The following ZNF740 variants were observed in gnomAD, a reference collection of about 807,000 sequenced individuals.
ZNF740 encodes the protein zinc finger protein 740.
ZNF740 carries 14 observed loss-of-function variants against 24.8 expected under a neutral mutation model. The observed-to-expected ratio is 0.56, with a 90% CI of 0.37 to 0.88. The LOEUF (loss-of-function observed/expected upper bound fraction) is 0.88, where lower values mean the gene tolerates loss of function less well. ZNF740 is among the 40% of genes least tolerant of loss of function. The pLI is 0.00. For synonymous variants in ZNF740, 69 were observed against 84.0 expected, an observed-to-expected ratio of 0.82 and a Z score of 0.98; for missense variants, 201 against 247.9, an observed-to-expected ratio of 0.81 and a Z score of 1.27.
At position 53,194,089 on chromosome 12, in the gene ZNF740, C is replaced by T. The variant is rs114843655; in HGVS notation, c.*6499C>T. 2.4e-4 allele frequency: 357 copies of T among 1,496,904 alleles called. 1 individual carries two copies. The African/African-American group carries it at 4.5e-3, about 19-fold the overall frequency. The allele number at this position is 1,496,904 out of a possible 1,614,324, so 92.7% of individuals were successfully genotyped here. A position where few individuals can be genotyped will look rare whatever the true frequency, so the allele number is the denominator to read the frequency against. ...AGGAAGGATGGATGGAGGACTACCT[C>T]AGGCTCTCATGTCACTCCCTGTACC... On this transcript the variant is annotated 3_prime_UTR_variant, in exon 7 of 7. Transcript: ENST00000416904.
chr12:53,185,280 G>T (rs556410492), intron 3 of ZNF740, 107 bp from the exon 4 acceptor site: 3 of 1,281,258 alleles, frequency 2.3e-6, no homozygotes, highest in East Asian at 5.0e-5. Context: ...CTAAGCTTTC[G>T]GGGCAGGTGG....
Position 53,193,532 on chromosome 12 carries a change from C to T in ZNF740, c.*5942C>T. ...CTGAGGGGTGAGAGAGTGGAGGGAG[C>T]CCCAGTCAGGGGGAGGGCCTGGACA... On this transcript the variant is annotated 3_prime_UTR_variant, in exon 7 of 7. Coordinates refer to ENST00000416904, the MANE Select transcript of ZNF740 (RefSeq NM_001004304.4). 1.4e-6 allele frequency: 1 copy of T among 738,780 alleles called. No homozygotes were observed. The highest frequency in any genetic ancestry group is 3.0e-5 in the Admixed American group (1 of 33,506). The allele number at this position is 738,780 out of a possible 1,614,324, so 45.8% of individuals were successfully genotyped here.
intron 2 of ZNF740, 125 bp downstream of exon 2, chr12:53,182,117 G>C: frequency 7.3e-7 from 1 of 1,365,638 alleles, no homozygotes; most frequent in Non-Finnish European, 1.0e-6. Flanking sequence ...TAAGCACCAG[G>C]GGGAGATCTA....
chr12:53,192,179 C>T lies in ZNF740; in HGVS notation c.*4589C>T, dbSNP rs920544507. 10 of 1,186,644 alleles carry T rather than the reference C, an allele frequency of 8.4e-6. No homozygotes were observed. The highest frequency in any genetic ancestry group is 2.8e-4 in the Middle Eastern group (1 of 3,634). 73.5% of individuals were successfully genotyped at this position (1,186,644 alleles called of 1,614,324 possible). A position where few individuals can be genotyped will look rare whatever the true frequency, so the allele number is the denominator to read the frequency against. On this transcript the variant is annotated 3_prime_UTR_variant, in exon 7 of 7. Coordinates refer to ENST00000416904, the MANE Select transcript of ZNF740 (RefSeq NM_001004304.4). The stretch of plus-strand genomic sequence containing the variant: ...TCCTCACCGCCCAGGGCCTTAGCCT[C>T]GTCCACTTGCTCAATTGCCTCTGCC...
intron 6 of ZNF740, 112 bp downstream of exon 6, chr12:53,186,621 A>G (rs2121528998): frequency 2.5e-6 from 2 of 785,626 alleles, no homozygotes; most frequent in African/African-American, 1.7e-5. Context: ...TCGCCATAAT[A>G]GTTAACACAT....
chr12:53,192,590 C>G lies in ZNF740; in HGVS notation c.*5000C>G, dbSNP rs890134707. On this transcript the variant is annotated 3_prime_UTR_variant, in exon 7 of 7. Transcript: ENST00000416904. ...CAGCTGGGCAGTTGTCACCCAATGCCCCTTGCCCAACTACAAGCAGGACGG... is the reference window on the plus strand; with the variant it reads ...CAGCTGGGCAGTTGTCACCCAATGCGCCTTGCCCAACTACAAGCAGGACGG... 1 of 1,600,918 alleles carries G rather than the reference C, an allele frequency of 6.2e-7. No homozygotes were observed.
Position 53,187,831 on chromosome 12 carries a change from C to T in ZNF740, c.*241C>T, listed in dbSNP as rs978099715. The T allele has an allele frequency of 7.8e-6, 4 of 511,330 alleles. No individual in the cohort carries two copies. The highest frequency in any genetic ancestry group is 5.8e-5 in the African/African-American group (3 of 51,880). The allele number at this position is 511,330 out of a possible 1,614,324, so 31.7% of individuals were successfully genotyped here. The stretch of plus-strand genomic sequence containing the variant: ...AGCATTCCTGGGTAGGGGAGCTAGT[C>T]CCTGGACCCTTGGCTGAGGTCATAG... On this transcript the variant is annotated 3_prime_UTR_variant, in exon 7 of 7. Coordinates refer to ENST00000416904, the MANE Select transcript of ZNF740 (RefSeq NM_001004304.4).
At position 53,188,895 on chromosome 12, in the gene ZNF740, TGTGTGTGTGAGAGAGA is replaced by T. The variant is rs1266202537; in HGVS notation, c.*1318_*1333del. ...TCCCAAAAAAGTAATCGGGTGTGTG[TGTGTGTGTGAGAGAGA>T]GTGTGTGTGAGATATGAATGCATGT... On this transcript the variant is annotated 3_prime_UTR_variant, in exon 7 of 7. Transcript: ENST00000416904. The T allele has an allele frequency of 6.6e-6, 1 of 152,116 alleles. No individual in the cohort carries two copies. The highest frequency in any genetic ancestry group is 1.5e-5 in the Non-Finnish European group (1 of 68,030). 9.4% of individuals were successfully genotyped at this position (152,116 alleles called of 1,614,324 possible).
At chr12:53,186,106 G>A (rs749236283) in intron 5 of ZNF740, 29 bp downstream of exon 5, 2 of 1,603,212 alleles carry the variant, frequency 1.2e-6, no homozygotes, top group Non-Finnish European at 1.7e-6. Flanking sequence ...TTCAAAAGGG[G>A]GAGAATAGTC....
At position 53,193,291 on chromosome 12, in the gene ZNF740, A is replaced by G; in HGVS notation, c.*5701A>G. The G allele has an allele frequency of 6.2e-7, 1 of 1,613,100 alleles. No individual in the cohort carries two copies. Among genetic ancestry groups the G allele is most frequent in the Non-Finnish European group, 8.5e-7 (1 of 1,179,224 alleles). On this transcript the variant is annotated 3_prime_UTR_variant, in exon 7 of 7. Transcript: ENST00000416904. ...CTGTGCCATTGGGAGCCCGGCACCC[A>G]GATTCCAGGTCTGGGGAGGACAGCT...
chr12:53,193,351 G>T lies in ZNF740; in HGVS notation c.*5761G>T. On this transcript the variant is annotated 3_prime_UTR_variant, in exon 7 of 7. Coordinates refer to ENST00000416904, the MANE Select transcript of ZNF740 (RefSeq NM_001004304.4). ...AGCACTCACAGAGCCGACCTAGGCG[G>T]CCAGGGGCACAGCTGGAAGGGGAAG... The T allele has an allele frequency of 6.3e-7, 1 of 1,585,264 alleles. No individual in the cohort carries two copies. The highest frequency in any genetic ancestry group is 8.6e-7 in the Non-Finnish European group (1 of 1,161,764).
In ZNF740 at chr12:53,194,037, G is replaced by A. The variant is rs547008199; in HGVS notation, c.*6447G>A. 1 of 1,293,142 alleles carries A rather than the reference G, an allele frequency of 7.7e-7. No homozygotes were observed. The highest frequency in any genetic ancestry group is 1.5e-5 in the African/African-American group (1 of 68,334). 80.1% of individuals were successfully genotyped at this position (1,293,142 alleles called of 1,614,324 possible). A position where few individuals can be genotyped will look rare whatever the true frequency, so the allele number is the denominator to read the frequency against. Reference sequence around the variant, plus strand: ...GTTAACACCCAACTCCTAGAAACATGCCTGAGGAAGCCACTCAGACTGCTC... The same window carrying A: ...GTTAACACCCAACTCCTAGAAACATACCTGAGGAAGCCACTCAGACTGCTC... On this transcript the variant is annotated 3_prime_UTR_variant, in exon 7 of 7. Coordinates refer to ENST00000416904, the MANE Select transcript of ZNF740 (RefSeq NM_001004304.4).
intron 1 of ZNF740, chr12:53,181,230 G>A: frequency 4.1e-6 from 4 of 985,426 alleles, no homozygotes; most frequent in Non-Finnish European, 4.8e-6. Context: ...CCCTACCTTC[G>A]GGCGGACGGG....
At position 53,187,649 on chromosome 12, in the gene ZNF740, C is replaced by G. The variant is rs773374263; in HGVS notation, c.*59C>G. The G allele has an allele frequency of 1.5e-5, 21 of 1,405,248 alleles. No homozygotes were observed. In the Middle Eastern group the frequency reaches 5.5e-4, roughly 37 times the overall value. The allele number at this position is 1,405,248 out of a possible 1,614,324, so 87.0% of individuals were successfully genotyped here. On this transcript the variant is annotated 3_prime_UTR_variant, in exon 7 of 7. Transcript: ENST00000416904. ...AAGAACCTGCCGAAGAGCACACCCC[C>G]TCTGGTCTGATGGTCCCACCACCGC...
Position 53,193,390 on chromosome 12 carries a change from G to T in ZNF740, c.*5800G>T. 1 of 1,501,384 alleles carries T rather than the reference G, an allele frequency of 6.7e-7. No homozygotes were observed. Among genetic ancestry groups the T allele is most frequent in the South Asian group, 1.3e-5 (1 of 77,850 alleles). 93.0% of individuals were successfully genotyped at this position (1,501,384 alleles called of 1,614,324 possible). The stretch of plus-strand genomic sequence containing the variant: ...TGGAAGGGGAAGGCAAAGGAGAGAA[G>T]TAGGTCAGAGGGTTTGATCACCCCT... On this transcript the variant is annotated 3_prime_UTR_variant, in exon 7 of 7. Transcript: ENST00000416904.
chr12:53,184,313 C>T (rs557361044), intron 2 of ZNF740, among the ~76,000 whole-genome samples: 2 of 151,878 alleles, frequency 1.3e-5, no homozygotes, highest in South Asian at 2.1e-4. Flanking sequence ...CTCAGCCTCC[C>T]GAGTAGCTGG....
At chr12:53,185,129 T>G in intron 3 of ZNF740, 89 bp downstream of exon 3, 2 of 1,578,048 alleles carry the variant, frequency 1.3e-6, no homozygotes, top group East Asian at 4.5e-5. Context: ...CCTTGATGCT[T>G]CCTCATAGGG....
rs779123637 is a variant in ZNF740, at chr12:53,193,233, A to G, written c.*5643A>G. 3.1e-6 allele frequency: 5 copies of G among 1,613,948 alleles called. No homozygotes were observed. Among genetic ancestry groups the G allele is most frequent in the African/African-American group, 1.3e-5 (1 of 74,876 alleles). On this transcript the variant is annotated 3_prime_UTR_variant, in exon 7 of 7. Coordinates refer to ENST00000416904, the MANE Select transcript of ZNF740 (RefSeq NM_001004304.4). ...TGTCCACTGCAGCTGCAGCGTCCAC[A>G]TTGACAGTGACCCTTTCCACTGCAC...
chr12:53,185,427 A>G lies in ZNF740; in HGVS notation c.200A>G (p.Asp67Gly). Residue 67 changes from aspartate to glycine, a missense_variant, in exon 4 of 7, where the codon GAT (aspartate) becomes GGT (glycine). Coordinates refer to ENST00000416904, the MANE Select transcript of ZNF740 (RefSeq NM_001004304.4). ...AGTGATAAGTCCCGGAGCCGCAAAG[A>G]TGATGACAGCTTGTCTGAGGCCTCT... The part of the protein sequence containing the change: ...KDSDKSRSRK[D>G]DDSLSEASHS... 6.2e-7 allele frequency: 1 copy of G among 1,614,016 alleles called. No homozygotes were observed. Among genetic ancestry groups the G allele is most frequent in the Middle Eastern group, 1.7e-4 (1 of 6,056 alleles).
Sources: allele counts gnomAD v4.1 joint callset (sites outside exome capture counted in the v4.1 genomes callset), GRCh38; gene constraint gnomAD v4.1.1; transcripts MANE v1.5; gene names NCBI Gene and HGNC (gene_info 2026-07-23, HGNC 2026-07-21).